Variants in CNKSR3 observed in about 807,000 individuals in gnomAD.
CNKSR3 encodes the protein CNKSR family member 3, also known as connector enhancer of kinase suppressor of ras 3.
In CNKSR3, 36 loss-of-function variants were observed where a neutral mutation model predicts 67.7. The ratio of observed to expected loss-of-function variants is 0.53; its 90% CI spans 0.41 to 0.70. The LOEUF (loss-of-function observed/expected upper bound fraction) is 0.70. Among genes scored for constraint, CNKSR3 ranks in the 30% least tolerant of loss-of-function variants. The pLI, the probability that CNKSR3 is intolerant of heterozygous loss-of-function variation, is 0.00. For missense variants in CNKSR3, 630 were observed against 695.2 expected, an observed-to-expected ratio of 0.91 and a Z score of 1.05; for synonymous variants, 281 against 271.4, an observed-to-expected ratio of 1.04 and a Z score of -0.35.
intron 1 of CNKSR3, among the ~76,000 whole-genome samples, chr6:154,493,953 C>T (rs982136848): frequency 6.6e-6 from 1 of 152,132 alleles, no homozygotes; most frequent in Non-Finnish European, 1.5e-5. Context: ...AACCACATCA[C>T]ACCCCCTAAT....
At position 154,470,916 on chromosome 6, in the gene CNKSR3, C is replaced by A. The variant is rs148507173; in HGVS notation, c.53-20658G>T. Among the ~76,000 whole-genome samples, 342 of 152,290 alleles carry A rather than the reference C, an allele frequency of 2.2e-3. 3 individuals are homozygous for A. Among genetic ancestry groups the A allele is most frequent in the African/African-American group, 8.0e-3 (332 of 41,562 alleles). ...TCCTGCCAGCAATTTATGAAGATTC[C>A]AATTTCTTCACATCTTCACCAACAC... On this transcript the variant is annotated intron_variant, in intron 1 of 12. Transcript: ENST00000607772.
intron 1 of CNKSR3, among the ~76,000 whole-genome samples, chr6:154,488,916 T>A (rs997357123): frequency 3.3e-5 from 5 of 152,190 alleles, no homozygotes; most frequent in Non-Finnish European, 7.3e-5. Flanking sequence ...AATGGAAGCT[T>A]TCCCAGAACT....
Position 154,400,762 on chromosome 6 carries a change from T to G in CNKSR3, c.*5592A>C, listed in dbSNP as rs771896331. On this transcript the variant is annotated 3_prime_UTR_variant, in exon 13 of 13. Coordinates refer to ENST00000607772, the MANE Select transcript of CNKSR3 (RefSeq NM_173515.4). ...ATGTAATCACTTTTTCCTTTACTTA[T>G]GTAAAAGGTACCCTTTGTCAAATTA... 1 of 152,236 alleles carries G rather than the reference T, an allele frequency of 6.6e-6. No homozygotes were observed. Among genetic ancestry groups the G allele is most frequent in the Non-Finnish European group, 1.5e-5 (1 of 68,034 alleles). 9.4% of individuals were successfully genotyped at this position (152,236 alleles called of 1,614,324 possible).
rs1784682671 is a variant in CNKSR3 at position 154,398,357 on chromosome 6, T to C, written c.*7997A>G. On this transcript the variant is annotated 3_prime_UTR_variant, in exon 13 of 13. Coordinates refer to ENST00000607772, the MANE Select transcript of CNKSR3 (RefSeq NM_173515.4). ...AACCAATAAGCCCCACAAAAGTGAT[T>C]GTTATGCTGAGCCGAACAACCATTT... The C allele has an allele frequency of 1.3e-5, 2 of 152,234 alleles. No individual in the cohort carries two copies. The highest frequency in any genetic ancestry group is 4.1e-4 in the South Asian group (2 of 4,832). The allele number at this position is 152,234 out of a possible 1,614,324, so 9.4% of individuals were successfully genotyped here. A position where few individuals can be genotyped will look rare whatever the true frequency, so the allele number is the denominator to read the frequency against.
At chr6:154,434,640 ATGACTGCTCCTAAAATTTATAC>A (rs1429159310) in intron 4 of CNKSR3, among the ~76,000 whole-genome samples, 1 of 152,240 alleles carries the variant, frequency 6.6e-6, no homozygotes, top group East Asian at 1.9e-4. Flanking sequence ...AACAATAATA[ATGACTGCTCCTAAAATTTATAC>A]TGACTCTCAG....
chr6:154,501,562 T>C (rs1394182792), intron 1 of CNKSR3, among the ~76,000 whole-genome samples: 1 of 151,876 alleles, frequency 6.6e-6, no homozygotes, highest in East Asian at 1.9e-4. Context: ...TTTGCATGAG[T>C]TATTCCCTCT....
chr6:154,450,060 T>A (rs1785791833), intron 2 of CNKSR3, 35 bp downstream of exon 2: 1 of 1,586,352 alleles, frequency 6.3e-7, no homozygotes, highest in East Asian at 2.3e-5. Flanking sequence ...CTAAAGAACG[T>A]CATCACGGTA....
chr6:154,465,325 T>G (rs1182588912), intron 1 of CNKSR3, among the ~76,000 whole-genome samples: 1 of 141,176 alleles, frequency 7.1e-6, no homozygotes, highest in Non-Finnish European at 1.5e-5. Flanking sequence ...CCTCTAATAT[T>G]CAAAAGAATC....
chr6:154,461,201 T>A (rs1786073121), intron 1 of CNKSR3, among the ~76,000 whole-genome samples: 1 of 151,952 alleles, frequency 6.6e-6, no homozygotes, highest in South Asian at 2.1e-4. Flanking sequence ...GGAAAGCAAA[T>A]CCCAGAGACT....
At position 154,414,357 on chromosome 6, in the gene CNKSR3, TCTC is replaced by T. The variant is rs769826700; in HGVS notation, c.1009_1011del (p.Glu337del). On this transcript the variant is annotated inframe_deletion, in exon 10 of 13. Coordinates refer to ENST00000607772, the MANE Select transcript of CNKSR3 (RefSeq NM_173515.4). ...ATATAAAGATCCAGGATGGCTGACT[TCTC>T]CTTCTTCAGTGAGGTATCCATAGTG... 19 of 1,612,028 alleles carry T rather than the reference TCTC, an allele frequency of 1.2e-5. No homozygotes were observed. The highest frequency in any genetic ancestry group is 1.7e-5 in the Admixed American group (1 of 59,516).
rs1784743417 is a variant in CNKSR3, at chr6:154,403,870, G to C, written c.*2484C>G. ...TTCCCCACAGAAAAAGAGCTCACCA[G>C]CCAGCTAAGGCCTCCAGAGTGATTT... On this transcript the variant is annotated 3_prime_UTR_variant, in exon 13 of 13. Coordinates refer to ENST00000607772, the MANE Select transcript of CNKSR3 (RefSeq NM_173515.4). The C allele has an allele frequency of 6.6e-6, 1 of 152,208 alleles. No homozygotes were observed. Among genetic ancestry groups the C allele is most frequent in the South Asian group, 2.1e-4 (1 of 4,832 alleles). The allele number at this position is 152,208 out of a possible 1,614,324, so 9.4% of individuals were successfully genotyped here.
chr6:154,410,754 AC>A (rs1784892975), intron 11 of CNKSR3, among the ~76,000 whole-genome samples, 179 bp downstream of exon 11: 1 of 152,194 alleles, frequency 6.6e-6, no homozygotes, highest in Admixed American at 6.5e-5. Flanking sequence ...TAATGACTCA[AC>A]AAGGATCCGC....
chr6:154,423,975 G>A (rs1002774846), intron 7 of CNKSR3, among the ~76,000 whole-genome samples: 2 of 152,138 alleles, frequency 1.3e-5, no homozygotes, highest in Non-Finnish European at 2.9e-5. Flanking sequence ...CCTCATGCCT[G>A]TAATCCCAGC....
chr6:154,450,308 C>T, intron 1 of CNKSR3, 50 bp from the exon 2 acceptor site: 2 of 1,583,012 alleles, frequency 1.3e-6, no homozygotes, highest in Non-Finnish European at 1.7e-6. Context: ...TTCCTTTACC[C>T]ACCCCCTGCA....
At position 154,402,762 on chromosome 6, in the gene CNKSR3, G is replaced by A. The variant is rs924885451; in HGVS notation, c.*3592C>T. 1.3e-5 allele frequency: 2 copies of A among 152,054 alleles called. No homozygotes were observed. Among genetic ancestry groups the A allele is most frequent in the Non-Finnish European group, 2.9e-5 (2 of 68,034 alleles). 9.4% of individuals were successfully genotyped at this position (152,054 alleles called of 1,614,324 possible). ...TTTAGAAAATCATACTGCTGACATC[G>A]ACCCCTTTCCTGGTATTGAACTGCC... is the stretch of plus-strand genomic sequence containing the variant. On this transcript the variant is annotated 3_prime_UTR_variant, in exon 13 of 13. Coordinates refer to ENST00000607772, the MANE Select transcript of CNKSR3 (RefSeq NM_173515.4).
chr6:154,425,896 C>G (rs1320891621), intron 7 of CNKSR3, among the ~76,000 whole-genome samples: 1 of 152,180 alleles, frequency 6.6e-6, no homozygotes, highest in Non-Finnish European at 1.5e-5. Flanking sequence ...AAGTGATAGC[C>G]AAAAGCTGAC....
chr6:154,471,833 A>G (rs183767225), intron 1 of CNKSR3, among the ~76,000 whole-genome samples: 4 of 152,230 alleles, frequency 2.6e-5, no homozygotes, highest in Admixed American at 2.6e-4. Flanking sequence ...CGCTTCAGGA[A>G]ATGCCAGTCC....
chr6:154,416,647 G>A (rs1013548938), intron 9 of CNKSR3, among the ~76,000 whole-genome samples: 3 of 152,154 alleles, frequency 2.0e-5, no homozygotes, highest in Middle Eastern at 3.2e-3. Flanking sequence ...CAGTAATGAT[G>A]TTGAACAACT....
intron 12 of CNKSR3, 58 bp downstream of exon 12, chr6:154,410,285 G>A: frequency 8.3e-7 from 1 of 1,209,810 alleles, no homozygotes; most frequent in Non-Finnish European, 1.2e-6. Context: ...GTGAAACCAG[G>A]CCCTGGGGCT....
Sources: allele counts gnomAD v4.1 joint callset (sites outside exome capture counted in the v4.1 genomes callset), GRCh38; gene constraint gnomAD v4.1.1; transcripts MANE v1.5; gene names NCBI Gene and HGNC (gene_info 2026-07-23, HGNC 2026-07-21).